The following STK32B variants were observed in gnomAD, a reference collection of about 807,000 sequenced individuals.
STK32B encodes the protein serine/threonine kinase 32B.
STK32B carries 43 observed loss-of-function variants against 52.6 expected under a neutral mutation model. The observed-to-expected ratio is 0.82, with a 90% confidence interval of 0.64 to 1.05. The LOEUF (loss-of-function observed/expected upper bound fraction) is 1.05. STK32B is among the 50% of genes least tolerant of loss of function. The pLI, the probability that STK32B is intolerant of heterozygous loss-of-function variation, is 0.00. For synonymous variants in STK32B, 238 were observed against 204.3 expected (o/e 1.17, Z -1.41); for missense variants, 621 against 534.6 (o/e 1.16, Z -1.59).
At chr4:5,486,045 T>G (rs1369400605) in intron 11 of STK32B, among the ~76,000 whole-genome samples, 2 of 152,136 alleles carry the variant, frequency 1.3e-5, no homozygotes, top group African/African-American at 4.8e-5. Context: ...GGGACCCACT[T>G]GAGGAGGCAG....
intron 3 of STK32B, among the ~76,000 whole-genome samples, chr4:5,274,417 T>C (rs1727670846): frequency 6.6e-6 from 1 of 152,030 alleles, no homozygotes; most frequent in African/African-American, 2.4e-5. Context: ...CATATTGAGA[T>C]AAACAAACTG....
At chr4:5,109,684 A>T (rs924379960) in intron 1 of STK32B, among the ~76,000 whole-genome samples, 5 of 152,228 alleles carry the variant, frequency 3.3e-5, no homozygotes, top group Non-Finnish European at 7.3e-5. Flanking sequence ...ATGTTGAATG[A>T]GGAAAAGTTG....
At chr4:5,195,991 C>G (rs902432706) in intron 3 of STK32B, among the ~76,000 whole-genome samples, 1 of 152,228 alleles carries the variant, frequency 6.6e-6, no homozygotes, top group Non-Finnish European at 1.5e-5. Flanking sequence ...TAAATTCTAA[C>G]CTTACACTGT....
intron 1 of STK32B, among the ~76,000 whole-genome samples, chr4:5,094,864 CAAT>C (rs1713295382): frequency 6.6e-6 from 1 of 152,106 alleles, no homozygotes; most frequent in Non-Finnish European, 1.5e-5. Context: ...TTTCTGCCCT[CAAT>C]GATGTCTGAA....
intron 3 of STK32B, among the ~76,000 whole-genome samples, chr4:5,200,253 CTT>C (rs35848579): frequency 2.5e-4 from 35 of 142,158 alleles, no homozygotes; most frequent in Admixed American, 3.5e-4. Context: ...CTCTTCTGCT[CTT>C]TTTTTTTTTT....
intron 2 of STK32B, among the ~76,000 whole-genome samples, chr4:5,144,933 A>G (rs1314402167): frequency 3.3e-5 from 5 of 152,224 alleles, no homozygotes; most frequent in African/African-American, 9.6e-5. Context: ...TCTCAGATAC[A>G]TGCAGGAGGC....
chr4:5,175,730 G>A (rs1719822224), intron 3 of STK32B, among the ~76,000 whole-genome samples: 1 of 152,218 alleles, frequency 6.6e-6, no homozygotes, highest in South Asian at 2.1e-4. Flanking sequence ...GTGCCTCCCA[G>A]TTAGGCTACT....
chr4:5,279,458 G>C (rs1728051918), intron 3 of STK32B, among the ~76,000 whole-genome samples: 1 of 152,198 alleles, frequency 6.6e-6, no homozygotes, highest in South Asian at 2.1e-4. Flanking sequence ...CTCTGGCTCT[G>C]TGGCTATGGA....
At chr4:5,144,428 CTT>C (rs1367029883) in intron 2 of STK32B, among the ~76,000 whole-genome samples, 3 of 152,112 alleles carry the variant, frequency 2.0e-5, no homozygotes, top group East Asian at 1.9e-4. Flanking sequence ...GGAAGGGAGA[CTT>C]TAACTGAATG....
At chr4:5,310,546 G>A (rs914724180) in intron 3 of STK32B, among the ~76,000 whole-genome samples, 17 of 152,062 alleles carry the variant, frequency 1.1e-4, no homozygotes, top group African/African-American at 4.1e-4. Flanking sequence ...ACAAATGCTG[G>A]CAAGGATGTG....
rs1025274714 is a variant in STK32B, at chr4:5,113,825, C to T, written c.53-26080C>T. Among the ~76,000 whole-genome samples the T allele has an allele frequency of 7.2e-5, 11 of 152,216 alleles. No homozygotes were observed. The East Asian group carries it at 7.7e-4, about 11-fold the overall frequency. On this transcript the variant is annotated intron_variant, in intron 1 of 11. Transcript: ENST00000282908. ...TAATGGACTTACAGTTCCACATGGCCGGGGAGGCCTCACAATCATGGTGGA... is the reference window on the plus strand; with the variant it reads ...TAATGGACTTACAGTTCCACATGGCTGGGGAGGCCTCACAATCATGGTGGA...
rs144279195 is a variant in STK32B at position 5,221,158 on chromosome 4, T to G, written c.260+52708T>G. On this transcript the variant is annotated intron_variant, in intron 3 of 11. Coordinates refer to ENST00000282908, the MANE Select transcript of STK32B (RefSeq NM_018401.3). ...CTGTTGCTTCCTCCCTCCCCTAGAT[T>G]GATGGGTTAAGAATCTGCTCTATAG... 6.8e-4 allele frequency among the ~76,000 whole-genome samples: 103 copies of G among 152,276 alleles called. No individual in the cohort carries two copies. The Middle Eastern group carries it at 0.024, about 35-fold the overall frequency.
the STK32B span, among the ~76,000 whole-genome samples, chr4:5,035,927 G>C: frequency 3.8e-4 from 57 of 151,676 alleles, no homozygotes; most frequent in African/African-American, 1.3e-3. Flanking sequence ...GATTACAGGC[G>C]CCCGCCACCA....
chr4:5,489,746 AG>A (rs1479486039), intron 11 of STK32B, among the ~76,000 whole-genome samples: 3 of 151,962 alleles, frequency 2.0e-5, no homozygotes, highest in Admixed American at 6.6e-5. Flanking sequence ...TCAACCAACT[AG>A]TTTACCAAAG....
At chr4:5,172,473 G>C (rs373939035) in intron 3 of STK32B, among the ~76,000 whole-genome samples, 1 of 151,764 alleles carries the variant, frequency 6.6e-6, no homozygotes, top group African/African-American at 2.4e-5. Flanking sequence ...ATTATTTTGA[G>C]ATATGTCCCA....
chr4:5,214,024 G>A (rs1339341349), intron 3 of STK32B, among the ~76,000 whole-genome samples: 2 of 152,140 alleles, frequency 1.3e-5, no homozygotes, highest in East Asian at 1.9e-4. Context: ...TGCATGGTAT[G>A]AGGTTCTGAT....
At chr4:5,025,972 T>A in the STK32B span, among the ~76,000 whole-genome samples, 8 of 152,180 alleles carry the variant, frequency 5.3e-5, no homozygotes, top group Admixed American at 1.3e-4. Context: ...CAGGACACCA[T>A]GTCCCATGAC....
Position 5,264,286 on chromosome 4 carries a change from T to C in STK32B, c.261-66934T>C, listed in dbSNP as rs975387462. ...TTACTAGAGTTCTGGTTACTCCATA[T>C]CCTTATCAACATTTGCAGTTGTTAG... On this transcript the variant is annotated intron_variant, in intron 3 of 11. Transcript: ENST00000282908. Among the ~76,000 whole-genome samples the C allele has an allele frequency of 3.9e-5, 6 of 152,332 alleles. No homozygotes were observed. In the South Asian group the frequency reaches 8.3e-4, roughly 21 times the overall value.
intron 4 of STK32B, among the ~76,000 whole-genome samples, chr4:5,376,011 GT>G (rs1207968098): frequency 1.3e-5 from 2 of 152,190 alleles, no homozygotes; most frequent in African/African-American, 4.8e-5. Flanking sequence ...GGACTGCAGA[GT>G]AGATTTGTGA....
Sources: gnomAD v4.1 joint callset for allele counts (sites outside exome capture counted in the v4.1 genomes callset) on GRCh38, gnomAD v4.1.1 for gene constraint, MANE v1.5 for transcripts, NCBI Gene and HGNC (gene_info 2026-07-23, HGNC 2026-07-21) for gene names.